The following HECW1 variants were observed in gnomAD, a reference collection of about 807,000 sequenced individuals.
The protein encoded by HECW1 is E3 ubiquitin-protein ligase HECW1.
A neutral mutation model predicts 182.3 loss-of-function variants in HECW1; 61 were observed. That is an observed-to-expected ratio of 0.33 (90% CI 0.27 to 0.41). HECW1 has a LOEUF of 0.41. HECW1 is among the 10% of genes least tolerant of loss of function. The pLI is 1.00. For missense variants in HECW1, 1,739 were observed against 2,108.9 expected (o/e 0.82, Z 3.44); for synonymous variants, 859 against 832.6 (o/e 1.03, Z -0.55).
At chr7:43,307,820 G>C (rs572569696) in intron 3 of HECW1, among the ~76,000 whole-genome samples, 1 of 147,934 alleles carries the variant, frequency 6.8e-6, no homozygotes, top group Admixed American at 7.0e-5. Flanking sequence ...AATAAAAATG[G>C]GGTAAATAGG....
In HECW1 at chr7:43,507,384, G is replaced by A. The variant is rs533749831; in HGVS notation, c.3752+127G>A. On this transcript the variant is annotated intron_variant, in intron 22 of 29. Coordinates refer to ENST00000395891, the MANE Select transcript of HECW1 (RefSeq NM_015052.5). Reference sequence around the variant, plus strand: ...TGTGGTAGTGGTTATGGTCTGAAGCGGGGGAAGAAGGAAGTTGGGAAGCTG... The same window carrying A: ...TGTGGTAGTGGTTATGGTCTGAAGCAGGGGAAGAAGGAAGTTGGGAAGCTG... The A allele has an allele frequency of 4.5e-4, 382 of 842,356 alleles. 2 individuals carry two copies. Among genetic ancestry groups the A allele is most frequent in the South Asian group, 4.5e-3 (183 of 40,356 alleles). The allele number at this position is 842,356 out of a possible 1,614,324, so 52.2% of individuals were successfully genotyped here. A position where few individuals can be genotyped will look rare whatever the true frequency, so the allele number is the denominator to read the frequency against.
intron 2 of HECW1, among the ~76,000 whole-genome samples, chr7:43,225,252 G>T (rs1046317661): frequency 4.6e-5 from 7 of 152,120 alleles, no homozygotes; most frequent in Non-Finnish European, 8.8e-5. Context: ...AACAAAGAAG[G>T]CTGGCGATAG....
chr7:43,178,809 GC>G (rs2152673825), intron 2 of HECW1, among the ~76,000 whole-genome samples: 1 of 152,308 alleles, frequency 6.6e-6, no homozygotes, highest in South Asian at 2.1e-4. Context: ...CTCAACTCCA[GC>G]CCACTTGGAC....
chr7:43,250,419 A>G (rs1030924981), intron 3 of HECW1, among the ~76,000 whole-genome samples: 2 of 152,230 alleles, frequency 1.3e-5, no homozygotes, highest in African/African-American at 4.8e-5. Context: ...TCAAAAAATG[A>G]GAGATACAGC....
At chr7:43,467,713 T>C (rs1158553415) in intron 15 of HECW1, among the ~76,000 whole-genome samples, 2 of 152,002 alleles carry the variant, frequency 1.3e-5, no homozygotes. Flanking sequence ...TTCAGGGACA[T>C]TTCTCGTGGA....
At chr7:43,387,412 T>G (rs1039517058) in intron 6 of HECW1, among the ~76,000 whole-genome samples, 1 of 152,240 alleles carries the variant, frequency 6.6e-6, no homozygotes, top group South Asian at 2.1e-4. Context: ...AAGGAGAAAG[T>G]AAGTTTTAAA....
In HECW1 at chr7:43,442,548, A is replaced by C. The variant is rs2076921516; in HGVS notation, c.964A>C (p.Thr322Pro). 6.2e-7 allele frequency: 1 copy of C among 1,613,508 alleles called. No homozygotes were observed. Among genetic ancestry groups the C allele is most frequent in the Non-Finnish European group, 8.5e-7 (1 of 1,179,646 alleles). Reference protein sequence around the residue: ...HAIGDRVVSYTLGRRLPTDHV... With the variant: ...HAIGDRVVSYPLGRRLPTDHV... ...TTCTAGGGATAGGGTGGTCAGCTAC[A>C]CACTTGGCCGCAGGCTTCCAACAGA... The change falls in exon 10 of 30, where the codon ACA becomes CCA. Residue 322 changes from threonine (T) to proline (P), a missense_variant. By Grantham distance (38) the Thr-to-Pro change is conservative. Around this residue, in one of 5 missense-constraint regions of HECW1, gnomAD observed 66 missense variants for 113.8 expected, o/e 0.58. Transcript: ENST00000395891.
chr7:43,310,316 A>G (rs1808340165), intron 3 of HECW1, among the ~76,000 whole-genome samples: 1 of 152,212 alleles, frequency 6.6e-6, no homozygotes, highest in Non-Finnish European at 1.5e-5. Context: ...CCTGGCCTTC[A>G]GCGCTTTGCC....
chr7:43,434,735 G>A (rs2076657990), intron 8 of HECW1, among the ~76,000 whole-genome samples: 2 of 152,186 alleles, frequency 1.3e-5, no homozygotes. Context: ...AGGGATGGGT[G>A]TGTGAAGAGA....
intron 2 of HECW1, among the ~76,000 whole-genome samples, chr7:43,158,844 C>T (rs1206014906): frequency 6.6e-6 from 1 of 152,198 alleles, no homozygotes; most frequent in Non-Finnish European, 1.5e-5. Flanking sequence ...TCAAGTGTCT[C>T]ATCTAGTTCC....
intron 3 of HECW1, chr7:43,248,527 A>G (rs1405611372): frequency 2.0e-5 from 3 of 152,246 alleles, no homozygotes; most frequent in Non-Finnish European, 4.4e-5. Context: ...AATGTTGTGC[A>G]GATATAAATT....
intron 16 of HECW1, among the ~76,000 whole-genome samples, chr7:43,470,589 G>C (rs562656297): frequency 2.0e-5 from 3 of 152,138 alleles, no homozygotes; most frequent in Non-Finnish European, 4.4e-5. Context: ...TGTTCCATTT[G>C]GGAATGCATA....
intron 2 of HECW1, among the ~76,000 whole-genome samples, chr7:43,198,732 C>T (rs1315587982): frequency 6.7e-6 from 1 of 149,668 alleles, no homozygotes; most frequent in Non-Finnish European, 1.5e-5. Context: ...CACACTCTCA[C>T]ACCCCACACT....
In HECW1 at chr7:43,485,023, C is replaced by A. The variant is rs375279522; in HGVS notation, c.3234+5279C>A. On this transcript the variant is annotated intron_variant, in intron 17 of 29. Transcript: ENST00000395891. ...CATCAATAAGGAAGGATAAGCAGAG[C>A]ACATAATTTTCATTTCTTTTGCCAT... Among the ~76,000 whole-genome samples, 140 of 152,308 alleles carry A rather than the reference C, an allele frequency of 9.2e-4. 2 individuals are homozygous for A. In the South Asian group the frequency reaches 0.026, roughly 29 times the overall value.
At chr7:43,498,904 T>C (rs986161933) in intron 19 of HECW1, among the ~76,000 whole-genome samples, 16 of 152,132 alleles carry the variant, frequency 1.1e-4, no homozygotes, top group Admixed American at 7.9e-4. Flanking sequence ...TAAGTTATGA[T>C]GAAGATTTGG....
chr7:43,181,599 A>G (rs1276232283), intron 2 of HECW1, among the ~76,000 whole-genome samples: 4 of 150,558 alleles, frequency 2.7e-5, no homozygotes, highest in Non-Finnish European at 5.9e-5. Flanking sequence ...GATGTTGAGT[A>G]TTTTTTTACA....
intron 2 of HECW1, among the ~76,000 whole-genome samples, chr7:43,154,416 A>T (rs1789658740): frequency 1.3e-5 from 2 of 152,178 alleles, no homozygotes; most frequent in African/African-American, 4.8e-5. Flanking sequence ...TGTCAAAGAC[A>T]AAATAAATTA....
chr7:43,515,226 G>A (rs936745508), intron 24 of HECW1, among the ~76,000 whole-genome samples: 7 of 152,136 alleles, frequency 4.6e-5, no homozygotes, highest in East Asian at 1.9e-4. Flanking sequence ...TCCTGGTGTC[G>A]GGTAGGGAAA....
intron 3 of HECW1, among the ~76,000 whole-genome samples, chr7:43,305,897 A>T (rs1483388121): frequency 6.6e-6 from 1 of 151,892 alleles, no homozygotes; most frequent in Non-Finnish European, 1.5e-5. Context: ...AGTAGCTGGG[A>T]TTACAGGCAT....
Sources: gnomAD v4.1 joint callset for allele counts (sites outside exome capture counted in the v4.1 genomes callset) on GRCh38, gnomAD v4.1.1 for gene constraint, gnomAD v4.1.1 regional missense constraint, MANE v1.5 for transcripts, NCBI Gene and HGNC (gene_info 2026-07-23, HGNC 2026-07-21) for gene names.